SH3RF2: variants seen among roughly 807,000 people sequenced by gnomAD.
SH3RF2 encodes the protein E3 ubiquitin-protein ligase SH3RF2.
Under a neutral mutation model 59.0 loss-of-function variants are expected in SH3RF2, and 43 were observed. The ratio of observed to expected loss-of-function variants is 0.73; its 90% CI spans 0.57 to 0.94. The LOEUF (loss-of-function observed/expected upper bound fraction) is 0.94, where lower values mean the gene tolerates loss of function less well. Ranked by LOEUF, SH3RF2 falls within the 40% of genes least tolerant of loss-of-function variation. SH3RF2 has a pLI of 0.00. For missense variants in SH3RF2, 930 were observed against 940.1 expected (o/e 0.99, Z 0.14); for synonymous variants, 391 against 391.5 (o/e 1.00, Z 0.01).
chr5:146,055,783 G>A, intron 7 of SH3RF2, 198 bp from the exon 8 acceptor site: 2 of 613,798 alleles, frequency 3.3e-6, no homozygotes, highest in South Asian at 2.0e-5. Context: ...CACCCTCACA[G>A]TTATCCGGGT....
chr5:146,043,816 C>A, intron 5 of SH3RF2: 1 of 152,266 alleles, frequency 6.6e-6, no homozygotes. Context: ...AGGAGTACAC[C>A]GCTGTGGTTA....
intron 4 of SH3RF2, among the ~76,000 whole-genome samples, chr5:146,007,000 C>T (rs1760673166): frequency 1.3e-5 from 2 of 152,212 alleles, no homozygotes; most frequent in Admixed American, 1.3e-4. Flanking sequence ...GTCACTCCCA[C>T]TCACAGCCCA....
At chr5:145,979,351 C>T (rs184412725) in intron 2 of SH3RF2, among the ~76,000 whole-genome samples, 1 of 152,340 alleles carries the variant, frequency 6.6e-6, no homozygotes, top group Admixed American at 6.5e-5. Flanking sequence ...TGATGTTAAA[C>T]AGCCTTTCCA....
chr5:145,998,899 G>A (rs1449968748), intron 2 of SH3RF2, among the ~76,000 whole-genome samples: 5 of 152,076 alleles, frequency 3.3e-5, no homozygotes, highest in African/African-American at 1.2e-4. Flanking sequence ...AACAGAGCAA[G>A]ACTCCATCTC....
chr5:146,019,686 T>C (rs1580869708), intron 5 of SH3RF2, among the ~76,000 whole-genome samples: 1 of 152,188 alleles, frequency 6.6e-6, no homozygotes, highest in Admixed American at 6.5e-5. Flanking sequence ...GTAGATTACT[T>C]TGAGCGGTAT....
At chr5:145,951,362 T>C (rs899085586) in intron 2 of SH3RF2, among the ~76,000 whole-genome samples, 2 of 152,204 alleles carry the variant, frequency 1.3e-5, no homozygotes, top group African/African-American at 4.8e-5. Flanking sequence ...CACATATCTT[T>C]TTTGTTTATT....
intron 2 of SH3RF2, among the ~76,000 whole-genome samples, chr5:145,960,685 T>A (rs942190818): frequency 6.6e-6 from 1 of 152,222 alleles, no homozygotes; most frequent in Non-Finnish European, 1.5e-5. Flanking sequence ...GCTGTCTAAT[T>A]TCTTTCTGTG....
chr5:145,976,511 T>G (rs935162698), intron 2 of SH3RF2, among the ~76,000 whole-genome samples: 3 of 151,886 alleles, frequency 2.0e-5, no homozygotes, highest in Non-Finnish European at 4.4e-5. Flanking sequence ...CACTGACTGC[T>G]TGGAAACCAC....
At chr5:145,999,995 T>A (rs1580838140) in intron 2 of SH3RF2, 63 bp from the exon 3 acceptor site, 1 of 1,554,232 alleles carries the variant, frequency 6.4e-7, no homozygotes. Flanking sequence ...GGGGAATGCT[T>A]GTATCTTCTG....
chr5:146,030,148 A>G (rs1011675299), intron 5 of SH3RF2, among the ~76,000 whole-genome samples: 1 of 152,322 alleles, frequency 6.6e-6, no homozygotes, highest in Admixed American at 6.5e-5. Flanking sequence ...GGGCTGCTCA[A>G]GCTGCCTAAC....
chr5:146,057,399 G>A (rs951065552), intron 8 of SH3RF2, among the ~76,000 whole-genome samples: 2 of 151,976 alleles, frequency 1.3e-5, no homozygotes, highest in Non-Finnish European at 2.9e-5. Flanking sequence ...CACCACAACA[G>A]CCTTGGGAAA....
intron 8 of SH3RF2, among the ~76,000 whole-genome samples, chr5:146,058,455 G>A (rs1376525643): frequency 6.7e-6 from 1 of 149,364 alleles, no homozygotes; most frequent in East Asian, 2.0e-4. Context: ...TTGTGTAGAT[G>A]GTGACTGTCT....
intron 2 of SH3RF2, among the ~76,000 whole-genome samples, chr5:145,998,427 G>A (rs1234528513): frequency 6.6e-6 from 1 of 152,096 alleles, no homozygotes; most frequent in East Asian, 1.9e-4. Flanking sequence ...AATTAGAATG[G>A]TGTGTAGAAA....
chr5:146,034,967 G>A (rs58169809), intron 5 of SH3RF2, among the ~76,000 whole-genome samples: 18 of 152,222 alleles, frequency 1.2e-4, no homozygotes, highest in East Asian at 7.7e-4. Flanking sequence ...TTAGCCAGGC[G>A]TGGTAGTGCA....
Position 145,960,919 on chromosome 5 carries a change from A to T in SH3RF2, c.378+22613A>T, listed in dbSNP as rs139603333. Among the ~76,000 whole-genome samples the T allele has an allele frequency of 4.1e-4, 62 of 152,338 alleles. 1 individual carries two copies. The East Asian group carries it at 0.012, about 28-fold the overall frequency. ...ACAGAAATCTCAGTTTCATTGAAAA[A>T]CAGAGCAGGAAGTTAAAATGCAATT... On this transcript the variant is annotated intron_variant, in intron 2 of 9. Coordinates refer to ENST00000359120, the MANE Select transcript of SH3RF2 (RefSeq NM_152550.4).
At chr5:146,064,864 G>GAAAGAAAGAAATAAAGAA (rs59357428), downstream of SH3RF2, among the ~76,000 whole-genome samples, 1 of 69,092 alleles carries the variant, frequency 1.4e-5, no homozygotes, top group African/African-American at 5.7e-5. Flanking sequence ...AAGAAAGAAA[G>GAAAGAAAGAAATAAAGAA]AGAAAGAAAA....
intron 7 of SH3RF2, among the ~76,000 whole-genome samples, chr5:146,053,775 G>A (rs1762578452): frequency 1.3e-5 from 2 of 152,058 alleles, no homozygotes; most frequent in Admixed American, 1.3e-4. Context: ...TGCCTACCTG[G>A]TGCCTTATGG....
chr5:146,018,785 C>T (rs1306729364), intron 5 of SH3RF2, among the ~76,000 whole-genome samples: 1 of 152,112 alleles, frequency 6.6e-6, no homozygotes, highest in African/African-American at 2.4e-5. Context: ...ACATCCATGC[C>T]CACATCGACT....
intron 5 of SH3RF2, among the ~76,000 whole-genome samples, chr5:146,030,969 T>C (rs150105706): frequency 6.6e-6 from 1 of 152,344 alleles, no homozygotes; most frequent in East Asian, 1.9e-4. Flanking sequence ...ATTTACTTTC[T>C]AGCCCTTTAG....
Sources: allele counts gnomAD v4.1 joint callset (sites outside exome capture counted in the v4.1 genomes callset), GRCh38; gene constraint gnomAD v4.1.1; transcripts MANE v1.5; gene names NCBI Gene and HGNC (gene_info 2026-07-23, HGNC 2026-07-21).